The following WDR70 variants were observed in gnomAD, a reference collection of about 807,000 sequenced individuals.
WDR70 encodes WD repeat-containing protein 70.
A neutral mutation model predicts 88.6 loss-of-function variants in WDR70; 53 were observed. That is an observed-to-expected ratio of 0.60 (90% CI 0.48 to 0.75). The LOEUF (loss-of-function observed/expected upper bound fraction) is 0.75. Ranked by LOEUF, WDR70 falls within the 30% of genes least tolerant of loss-of-function variation. The pLI is 0.00. For missense variants in WDR70, 610 were observed against 823.2 expected, an observed-to-expected ratio of 0.74 and a Z score of 3.17; for synonymous variants, 280 against 270.0, an observed-to-expected ratio of 1.04 and a Z score of -0.36.
intron 7 of WDR70, among the ~76,000 whole-genome samples, chr5:37,465,302 C>T (rs545599908): frequency 1.7e-4 from 26 of 152,166 alleles, no homozygotes; most frequent in Non-Finnish European, 3.4e-4. Context: ...ACACTTTAAT[C>T]TTGGACATTG....
chr5:37,493,624 G>C (rs1434100934), intron 8 of WDR70, among the ~76,000 whole-genome samples: 1 of 152,186 alleles, frequency 6.6e-6, no homozygotes, highest in Non-Finnish European at 1.5e-5. Context: ...CGTTGTGCCA[G>C]ACTTCTGACC....
rs116204939 is a variant in WDR70 at position 37,716,786 on chromosome 5, G to A, written c.1417-4329G>A. Among the ~76,000 whole-genome samples the A allele has an allele frequency of 4.2e-3, 634 of 151,880 alleles. 5 individuals carry two copies. Among genetic ancestry groups the A allele is most frequent in the African/African-American group, 0.015 (607 of 41,392 alleles). On this transcript the variant is annotated intron_variant, in intron 13 of 17. Transcript: ENST00000265107. ...TTTCCTTCTCCTCCTCCCCTTATTT[G>A]CTTCCCTGGTTCCTCTAAAAGTAAA...
chr5:37,423,088 A>AG (rs901680870), intron 5 of WDR70, among the ~76,000 whole-genome samples: 6 of 147,986 alleles, frequency 4.1e-5, no homozygotes, highest in Non-Finnish European at 5.9e-5. Flanking sequence ...GATGGAAGTG[A>AG]GGGGGGGCCT....
At chr5:37,415,890 C>T (rs1212175282) in intron 5 of WDR70, among the ~76,000 whole-genome samples, 17 of 148,856 alleles carry the variant, frequency 1.1e-4, no homozygotes, top group South Asian at 2.1e-4. Context: ...GGGGCAGAGA[C>T]GCTCCCCACA....
intron 9 of WDR70, among the ~76,000 whole-genome samples, chr5:37,577,039 T>G (rs967342268): frequency 1.3e-5 from 2 of 152,158 alleles, no homozygotes; most frequent in Non-Finnish European, 2.9e-5. Flanking sequence ...TCATCAGACC[T>G]TATCATCTGA....
At chr5:37,700,735 A>C (rs543316280) in intron 11 of WDR70, among the ~76,000 whole-genome samples, 90 of 152,322 alleles carry the variant, frequency 5.9e-4, no homozygotes, top group South Asian at 1.5e-3. Context: ...ATCATACTTC[A>C]GAGTAGATTC....
intron 9 of WDR70, among the ~76,000 whole-genome samples, 165 bp downstream of exon 9, chr5:37,516,755 T>C (rs1740902302): frequency 6.7e-6 from 1 of 149,254 alleles, no homozygotes; most frequent in Non-Finnish European, 1.5e-5. Context: ...GGAGTCTTGC[T>C]CTGTTGCCCA....
At chr5:37,497,467 C>CCTTCCCTTCCGTCTTCG (rs1740263529) in intron 8 of WDR70, among the ~76,000 whole-genome samples, 1 of 141,150 alleles carries the variant, frequency 7.1e-6, no homozygotes, top group Non-Finnish European at 1.5e-5. Context: ...TTCCGTCTTC[C>CCTTCCCTTCCGTCTTCG]CTTTCCTTCC....
chr5:37,437,992 A>T lies in WDR70; in HGVS notation c.552+11A>T, dbSNP rs768416659. The stretch of plus-strand genomic sequence containing the variant: ...CATGGCACTAAAACAGTAAGTTTAA[A>T]AATCTAGTTTTTTCCTCTCTCAAAT... On this transcript the variant is annotated intron_variant, in intron 6 of 17. Transcript: ENST00000265107. 3.7e-6 allele frequency: 6 copies of T among 1,605,618 alleles called. No homozygotes were observed. In the South Asian group the frequency reaches 6.7e-5, roughly 18 times the overall value.
At chr5:37,413,013 G>GT (rs1463076925) in intron 5 of WDR70, among the ~76,000 whole-genome samples, 3 of 151,998 alleles carry the variant, frequency 2.0e-5, no homozygotes, top group African/African-American at 4.8e-5. Context: ...AAGAAGAAAA[G>GT]TTTTAAAAAA....
At chr5:37,600,376 A>T (rs7705015) in intron 9 of WDR70, among the ~76,000 whole-genome samples, 70,479 of 151,768 alleles carry the variant, frequency 0.46, 17,971 homozygotes, top group Non-Finnish European at 0.58. Context: ...ATATACAAAA[A>T]ATTAGCCGGC....
chr5:37,457,378 G>C (rs1194587073), intron 7 of WDR70, among the ~76,000 whole-genome samples: 1 of 152,184 alleles, frequency 6.6e-6, no homozygotes, highest in African/African-American at 2.4e-5. Context: ...TTACAGGTGT[G>C]AGCCACTGCA....
At chr5:37,428,393 A>G (rs1750200169) in intron 5 of WDR70, among the ~76,000 whole-genome samples, 1 of 152,206 alleles carries the variant, frequency 6.6e-6, no homozygotes, top group Admixed American at 6.5e-5. Context: ...ATTTCCAAAA[A>G]TGTTTCTTTC....
At chr5:37,497,902 A>G (rs1451454510) in intron 8 of WDR70, among the ~76,000 whole-genome samples, 1 of 151,984 alleles carries the variant, frequency 6.6e-6, no homozygotes, top group African/African-American at 2.4e-5. Flanking sequence ...GCTCACTGCA[A>G]TCTCTGCTTC....
intron 9 of WDR70, among the ~76,000 whole-genome samples, chr5:37,599,134 CTTGGCAG>C (rs1743789049): frequency 6.6e-6 from 1 of 152,172 alleles, no homozygotes; most frequent in African/African-American, 2.4e-5. Flanking sequence ...TGCAGGCTTG[CTTGGCAG>C]AATGAATCTA....
At chr5:37,590,322 C>CATCT (rs1743492864) in intron 9 of WDR70, among the ~76,000 whole-genome samples, 1 of 152,108 alleles carries the variant, frequency 6.6e-6, no homozygotes, top group South Asian at 2.1e-4. Context: ...ACTGATCTGC[C>CATCT]ATCTATATAT....
rs141564368 is a variant in WDR70 at position 37,628,419 on chromosome 5, C to T, written c.1092+23181C>T. ...CCTGTGTTGGATGCAAATATATTTA[C>T]AATTGTTATATTCTCTTGCTGAATT... On this transcript the variant is annotated intron_variant, in intron 10 of 17. Coordinates refer to ENST00000265107, the MANE Select transcript of WDR70 (RefSeq NM_018034.4). Among the ~76,000 whole-genome samples the T allele has an allele frequency of 6.3e-3, 960 of 152,264 alleles. 10 individuals are homozygous for T. Among genetic ancestry groups the T allele is most frequent in the African/African-American group, 0.022 (911 of 41,548 alleles).
At chr5:37,414,000 C>A (rs185011247) in intron 5 of WDR70, among the ~76,000 whole-genome samples, 18 of 151,804 alleles carry the variant, frequency 1.2e-4, no homozygotes, top group Non-Finnish European at 1.5e-5. Flanking sequence ...ACAAAATTAG[C>A]CAGGCGTGGT....
intron 3 of WDR70, among the ~76,000 whole-genome samples, chr5:37,387,502 G>T (rs1748660640): frequency 6.6e-6 from 1 of 152,084 alleles, no homozygotes; most frequent in South Asian, 2.1e-4. Context: ...TCTTTGGACT[G>T]CAATTTCTAC....
Sources: gnomAD v4.1 joint callset for allele counts (sites outside exome capture counted in the v4.1 genomes callset) on GRCh38, gnomAD v4.1.1 for gene constraint, MANE v1.5 for transcripts, NCBI Gene and HGNC (gene_info 2026-07-23, HGNC 2026-07-21) for gene names.